Variants in HDHD2 observed in about 807,000 individuals in gnomAD.
HDHD2 encodes haloacid dehalogenase-like hydrolase domain-containing protein 2.
HDHD2 carries 26 observed loss-of-function variants against 24.8 expected under a neutral mutation model. The ratio of observed to expected loss-of-function variants is 1.05; its 90% CI spans 0.77 to 1.45. The LOEUF (loss-of-function observed/expected upper bound fraction) is 1.45, where lower values mean the gene tolerates loss of function less well. HDHD2 is among the 40% of genes most tolerant of loss of function. HDHD2 has a pLI of 0.00. For synonymous variants in HDHD2, 128 were observed against 114.9 expected (o/e 1.11, Z -0.73); for missense variants, 299 against 313.4 (o/e 0.95, Z 0.35).
intron 1 of HDHD2, among the ~76,000 whole-genome samples, chr18:47,140,242 T>A (rs2063807340): frequency 6.6e-6 from 1 of 152,188 alleles, no homozygotes; most frequent in African/African-American, 2.4e-5. Context: ...CTTTTGGGAT[T>A]CTGACTAGAA....
chr18:47,126,710 A>G (rs2063661993), intron 4 of HDHD2, among the ~76,000 whole-genome samples: 5 of 152,178 alleles, frequency 3.3e-5, no homozygotes, highest in Admixed American at 3.3e-4. Context: ...TATAGGGAAA[A>G]AAGGCCTCAA....
intron 1 of HDHD2, among the ~76,000 whole-genome samples, chr18:47,144,366 C>T (rs2063847764): frequency 6.6e-6 from 1 of 152,196 alleles, no homozygotes; most frequent in East Asian, 1.9e-4. Context: ...CAGGCACTCC[C>T]TCTCTACCTT....
chr18:47,137,066 C>T (rs2063773607), intron 1 of HDHD2: 2 of 727,876 alleles, frequency 2.7e-6, no homozygotes, highest in Middle Eastern at 3.2e-4. Context: ...GAACAACGAT[C>T]ATATTAACTT....
intron 5 of HDHD2, among the ~76,000 whole-genome samples, chr18:47,114,590 A>G (rs1159019673): frequency 1.3e-5 from 2 of 152,206 alleles, no homozygotes; most frequent in Non-Finnish European, 2.9e-5. Flanking sequence ...GCTCACGGCC[A>G]CAGGTGACCA....
At chr18:47,141,624 C>T (rs958866463) in intron 1 of HDHD2, among the ~76,000 whole-genome samples, 1 of 151,332 alleles carries the variant, frequency 6.6e-6, no homozygotes, top group African/African-American at 2.4e-5. Flanking sequence ...ATTCTTTGTG[C>T]CATAAGCTAA....
intron 4 of HDHD2, among the ~76,000 whole-genome samples, chr18:47,124,526 G>A (rs1388216002): frequency 6.6e-6 from 1 of 151,676 alleles, no homozygotes; most frequent in African/African-American, 2.4e-5. Context: ...GACCAACACG[G>A]AGAAACCCTG....
intron 4 of HDHD2, among the ~76,000 whole-genome samples, chr18:47,120,917 G>C (rs1486840411): frequency 6.6e-6 from 1 of 152,044 alleles, no homozygotes; most frequent in Non-Finnish European, 1.5e-5. Flanking sequence ...ATGGTTTGTG[G>C]CTGCCCAAAA....
chr18:47,111,850 T>C (rs912710785), intron 6 of HDHD2: 11 of 978,754 alleles, frequency 1.1e-5, no homozygotes, highest in Non-Finnish European at 1.3e-5. Context: ...CATAGTCACT[T>C]TTTCTAAAAA....
chr18:47,134,020 C>T (rs948874413), intron 3 of HDHD2, among the ~76,000 whole-genome samples: 3 of 152,196 alleles, frequency 2.0e-5, no homozygotes, highest in African/African-American at 7.2e-5. Context: ...GCTGCCATTG[C>T]TTTTGGTGTT....
At chr18:47,122,762 ACTCAATGTTCCACATAAAATAAAAAT>A in intron 4 of HDHD2, among the ~76,000 whole-genome samples, 1 of 152,296 alleles carries the variant, frequency 6.6e-6, no homozygotes, top group South Asian at 2.1e-4. Context: ...GTTTGTAAAG[ACTCAATGTTCCACATAAAATAAAAAT>A]CTACGAATAC....
At chr18:47,114,853 A>G (rs1184679800) in intron 5 of HDHD2, among the ~76,000 whole-genome samples, 1 of 151,104 alleles carries the variant, frequency 6.6e-6, no homozygotes, top group African/African-American at 2.4e-5. Flanking sequence ...ATATACAAAT[A>G]TATATATATT....
chr18:47,132,866 C>G (rs988333822), intron 3 of HDHD2, among the ~76,000 whole-genome samples: 1 of 152,206 alleles, frequency 6.6e-6, no homozygotes, highest in Non-Finnish European at 1.5e-5. Flanking sequence ...AAAAACTTCA[C>G]ACTATCCAGA....
chr18:47,137,907 A>C (rs79514847), intron 1 of HDHD2, among the ~76,000 whole-genome samples: 1,532 of 151,792 alleles, frequency 0.01, 11 homozygotes, highest in Non-Finnish European at 0.013. Flanking sequence ...GGCTGGGTGC[A>C]GTGGCTTAGC....
chr18:47,114,992 C>T, intron 5 of HDHD2, 140 bp downstream of exon 5: 2 of 606,962 alleles, frequency 3.3e-6, no homozygotes, highest in Non-Finnish European at 5.9e-6. Flanking sequence ...CAGGAAACCT[C>T]ATTTTATAGG....
rs775604428 is a variant in HDHD2 at position 47,115,359 on chromosome 18, C to A, written c.396-11G>T. On this transcript the variant is annotated splice_polypyrimidine_tract_variant and intron_variant, in intron 4 of 6. Coordinates refer to ENST00000300605, the MANE Select transcript of HDHD2 (RefSeq NM_032124.5). ...CCATCCAGGAGTAACCTAGAGAGAA[C>A]AACAACAAAAAAAACAAATTGGCTA... The A allele has an allele frequency of 3.1e-6, 5 of 1,596,254 alleles. No homozygotes were observed. The highest frequency in any genetic ancestry group is 3.5e-5 in the Admixed American group (2 of 57,098).
intron 6 of HDHD2, chr18:47,110,542 A>T (rs1224830312): frequency 2.2e-5 from 22 of 985,274 alleles, no homozygotes; most frequent in South Asian, 1.4e-4. Flanking sequence ...CCATGGAGTT[A>T]AAGGCTTTTG....
intron 1 of HDHD2, 121 bp downstream of exon 1, chr18:47,150,257 C>G (rs974418706): frequency 6.6e-6 from 1 of 152,322 alleles, no homozygotes; most frequent in African/African-American, 2.4e-5. Context: ...GCGCACGGCC[C>G]GGCTCGAGAG....
intron 4 of HDHD2, among the ~76,000 whole-genome samples, chr18:47,125,157 G>A (rs2144321355): frequency 6.6e-6 from 1 of 151,872 alleles, no homozygotes; most frequent in African/African-American, 2.4e-5. Context: ...GCAAGACCCT[G>A]TCTTTGAAAA....
rs73954233 is a variant in HDHD2, at chr18:47,110,116, A to C, written c.677-1331T>G. The stretch of plus-strand genomic sequence containing the variant: ...TGCTTTTCCCAGTTTTCTCTGCCTA[A>C]ACTCAGCTCTTTCAACAAGAGACCT... On this transcript the variant is annotated intron_variant, in intron 6 of 6. Transcript: ENST00000300605. 4.4e-4 allele frequency: 438 copies of C among 985,298 alleles called. 2 individuals carry two copies. The African/African-American group carries it at 7.2e-3, about 16-fold the overall frequency. The allele number at this position is 985,298 out of a possible 1,614,324, so 61.0% of individuals were successfully genotyped here. A position where few individuals can be genotyped will look rare whatever the true frequency, so the allele number is the denominator to read the frequency against.
Sources: allele counts gnomAD v4.1 joint callset (sites outside exome capture counted in the v4.1 genomes callset), GRCh38; gene constraint gnomAD v4.1.1; transcripts MANE v1.5; gene names NCBI Gene and HGNC (gene_info 2026-07-23, HGNC 2026-07-21).